Variants in PDZD7 observed in about 807,000 individuals in gnomAD.
The protein encoded by PDZD7 is PDZ domain containing 7, also known as PDZ domain-containing protein 7.
Under a neutral mutation model 84.7 loss-of-function variants are expected in PDZD7, and 72 were observed. The ratio of observed to expected loss-of-function variants is 0.85; its 90% CI spans 0.70 to 1.03. The LOEUF (loss-of-function observed/expected upper bound fraction) is 1.03, where lower values mean the gene tolerates loss of function less well. Among genes scored for constraint, PDZD7 ranks in the 50% least tolerant of loss-of-function variants. The pLI is 0.00. For missense variants in PDZD7, 1,490 were observed against 1,412.9 expected (o/e 1.05, Z -0.87); for synonymous variants, 594 against 580.7 (o/e 1.02, Z -0.33).
intron 10 of PDZD7, 95 bp downstream of exon 10, chr10:101,016,282 A>C: frequency 1.5e-6 from 2 of 1,301,786 alleles, no homozygotes; most frequent in Non-Finnish European, 2.2e-6. Context: ...ACCCTGACTG[A>C]ATTTAGTCCA....
intron 2 of PDZD7, among the ~76,000 whole-genome samples, chr10:101,025,019 G>A (rs1384528821): frequency 6.6e-6 from 1 of 152,142 alleles, no homozygotes; most frequent in Non-Finnish European, 1.5e-5. Context: ...TCAGCTTGCA[G>A]CATAAATTAG....
rs1027163161 is a variant in PDZD7 at position 101,010,807 on chromosome 10, C to A, written c.2082G>T (p.Arg694=). Residue 694 remains arginine (R), a synonymous_variant, in exon 15 of 17, where the codon CGG becomes CGT. Transcript: ENST00000619208. ...TTGGGGAGACCTTGAGGGCCCCCAG[C>A]CGCTCCCTCAGCTCCCCATTATCTT... ...EEEDNGELRE[R]LGALKVSPSA... is the part of the protein sequence containing the mutation. 6.5e-7 allele frequency: 1 copy of A among 1,535,458 alleles called. No individual in the cohort carries two copies. Among genetic ancestry groups the A allele is most frequent in the Non-Finnish European group, 8.7e-7 (1 of 1,146,886 alleles).
chr10:101,010,839 C>T lies in PDZD7; in HGVS notation c.2050G>A (p.Glu684Lys). The T allele has an allele frequency of 6.5e-7, 1 of 1,534,868 alleles. No homozygotes were observed. The highest frequency in any genetic ancestry group is 8.7e-7 in the Non-Finnish European group (1 of 1,146,902). ...FYLLPVNGFP[E>K]EEDNGELRER... ...CTCAGCTCCCCATTATCTTCCTCTT[C>T]CGGGAAGCCGTTCACCGGCAGCAGG... The change falls in exon 15 of 17, where the codon GAA (glutamate) becomes AAA (lysine). Residue 684 changes from glutamate to lysine, a missense_variant. Coordinates refer to ENST00000619208, the MANE Select transcript of PDZD7 (RefSeq NM_001195263.2).
Position 101,030,355 on chromosome 10 carries a change from C to G in PDZD7, c.-136G>C. The G allele has an allele frequency of 2.6e-6, 2 of 767,036 alleles. No homozygotes were observed. Among genetic ancestry groups the G allele is most frequent in the Non-Finnish European group, 4.5e-6 (2 of 444,758 alleles). The allele number at this position is 767,036 out of a possible 1,614,324, so 47.5% of individuals were successfully genotyped here. On this transcript the variant is annotated 5_prime_UTR_variant, in exon 2 of 17. Coordinates refer to ENST00000619208, the MANE Select transcript of PDZD7 (RefSeq NM_001195263.2). The stretch of plus-strand genomic sequence containing the variant: ...TCAGTAACGTGAAGGCCCTCGCTTG[C>G]GATGCCTCTCAGAAGTGTGAGCTCC...
intron 9 of PDZD7, among the ~76,000 whole-genome samples, chr10:101,017,157 G>C (rs1852666046): frequency 6.6e-6 from 1 of 152,152 alleles, no homozygotes; most frequent in Admixed American, 6.5e-5. Flanking sequence ...CAGGATCTCA[G>C]CTGGGCCAGG....
Position 101,030,093 on chromosome 10 carries a change from G to T in PDZD7, c.127C>A (p.Leu43Met), listed in dbSNP as rs1472715579. 1 of 1,614,218 alleles carries T rather than the reference G, an allele frequency of 6.2e-7. No homozygotes were observed. Among genetic ancestry groups the T allele is most frequent in the Admixed American group, 1.7e-5 (1 of 60,032 alleles). ...SDSGSTATRY[L>M]LRKQQRLLNG... Reference sequence around the variant, plus strand: ...AGCAGCCGTTGTTGCTTCCTTAGCAGGTATCGCGTTGCGGTGGAGCCTGAG... The same window carrying T: ...AGCAGCCGTTGTTGCTTCCTTAGCATGTATCGCGTTGCGGTGGAGCCTGAG... Residue 43 changes from leucine (L) to methionine (M), a missense_variant, in exon 2 of 17, where the codon CTG (leucine) becomes ATG (methionine). Coordinates refer to ENST00000619208, the MANE Select transcript of PDZD7 (RefSeq NM_001195263.2).
chr10:101,009,254 A>G lies in PDZD7; in HGVS notation c.2714T>C (p.Leu905Pro). ...PGGAAFLSGALQAGFELVAVD... is the reference protein window; with the variant it reads ...PGGAAFLSGAPQAGFELVAVD... Reference sequence around the variant, plus strand: ...GCCAGGGCATGCTTCACCCACCTGCAGGGCCCCACTGAGGAAAGCGGCCCC... The same window carrying G: ...GCCAGGGCATGCTTCACCCACCTGCGGGGCCCCACTGAGGAAAGCGGCCCC... The change falls in exon 16 of 17, where the codon CTG becomes CCG. Residue 905 changes from leucine (L) to proline (P), a missense_variant. By Grantham distance (98) the Leu-to-Pro change is moderately conservative. Transcript: ENST00000619208. The G allele has an allele frequency of 6.5e-7, 1 of 1,535,294 alleles. No individual in the cohort carries two copies. The highest frequency in any genetic ancestry group is 1.2e-5 in the South Asian group (1 of 84,038).
At chr10:101,019,856 C>A (rs1393529072) in intron 7 of PDZD7, among the ~76,000 whole-genome samples, 1 of 151,396 alleles carries the variant, frequency 6.6e-6, no homozygotes, top group South Asian at 2.1e-4. Flanking sequence ...GAGCACCTGA[C>A]CTCAGGTGAT....
At chr10:101,012,357 G>C in intron 11 of PDZD7, 99 bp from the exon 12 acceptor site, 1 of 1,028,604 alleles carries the variant, frequency 9.7e-7, no homozygotes, top group Non-Finnish European at 1.5e-6. Context: ...ACGCATGTAG[G>C]GACCTATCCA....
At chr10:101,029,244 G>T (rs1035050876) in intron 2 of PDZD7, among the ~76,000 whole-genome samples, 1 of 152,140 alleles carries the variant, frequency 6.6e-6, no homozygotes, top group African/African-American at 2.4e-5. Context: ...TTCACTTCCA[G>T]CCTTTGTTGG....
rs1289763546 is a variant in PDZD7, at chr10:101,010,473, T to C, written c.2416A>G (p.Ser806Gly). The C allele has an allele frequency of 1.3e-6, 2 of 1,535,586 alleles. No individual in the cohort carries two copies. The highest frequency in any genetic ancestry group is 2.0e-5 in the Admixed American group (1 of 50,970). ...SPSPVPTPAP[S>G]MTNGRYHKPR... ...TTGTGGTAGCGCCCATTGGTCATGC[T>C]GGGGGCAGGGGTAGGCACCGGGGAT... The change falls in exon 15 of 17, where the codon AGC becomes GGC. Residue 806 changes from serine to glycine, a missense_variant. Physicochemically the swap from Ser to Gly is moderately conservative, Grantham distance 56. Coordinates refer to ENST00000619208, the MANE Select transcript of PDZD7 (RefSeq NM_001195263.2).
At chr10:101,024,218 C>T (rs1330009377) in intron 2 of PDZD7, 150 bp from the exon 3 acceptor site, 4 of 1,005,634 alleles carry the variant, frequency 4.0e-6, no homozygotes, top group African/African-American at 1.6e-5. Context: ...CAGGTCAGCC[C>T]ATTTCTAAGG....
In PDZD7 at chr10:101,008,286, T is replaced by A; in HGVS notation, c.*181A>T. 1 of 706,332 alleles carries A rather than the reference T, an allele frequency of 1.4e-6. No homozygotes were observed. Among genetic ancestry groups the A allele is most frequent in the Non-Finnish European group, 2.3e-6 (1 of 439,732 alleles). The allele number at this position is 706,332 out of a possible 1,614,324, so 43.8% of individuals were successfully genotyped here. ...CCACTAGCACCTTGTCCTTGGACAC[T>A]AAGGCAGAGCCTTAATGACAGCTGA... On this transcript the variant is annotated 3_prime_UTR_variant, in exon 17 of 17. Transcript: ENST00000619208.
Position 101,011,020 on chromosome 10 carries a change from G to A in PDZD7, c.2006-137C>T, listed in dbSNP as rs990429585. The A allele has an allele frequency of 2.7e-6, 4 of 1,474,132 alleles. No homozygotes were observed. The South Asian group carries it at 5.3e-5, about 20-fold the overall frequency. 91.3% of individuals were successfully genotyped at this position (1,474,132 alleles called of 1,614,324 possible). On this transcript the variant is annotated intron_variant, in intron 14 of 16. Coordinates refer to ENST00000619208, the MANE Select transcript of PDZD7 (RefSeq NM_001195263.2). ...ACTGCAGTGCGGCCCACCCACCGGG[G>A]AGGCAGACAGACATGTTCTATTAGA...
chr10:101,018,981 T>G lies in PDZD7; in HGVS notation c.1165A>C (p.Thr389Pro), dbSNP rs1051560658. 3 of 1,587,790 alleles carry G rather than the reference T, an allele frequency of 1.9e-6. No homozygotes were observed. The highest frequency in any genetic ancestry group is 3.6e-5 in the Admixed American group (2 of 56,158). The change falls in exon 8 of 17, where the codon ACA (threonine) becomes CCA (proline). Residue 389 changes from threonine to proline, a missense_variant. By Grantham distance (38) the Thr-to-Pro change is conservative (BLOSUM62 -1). Transcript: ENST00000619208. ...RVETWCSVRP[T>P]VILRDTAIRS... is the part of the protein sequence containing the mutation. ...ATGGCGGTGTCCCTGAGGATGACTGTGGGCCGCACGCTGCACCAGGTCTCC... is the reference window on the plus strand; with the variant it reads ...ATGGCGGTGTCCCTGAGGATGACTGGGGGCCGCACGCTGCACCAGGTCTCC...
Position 101,019,058 on chromosome 10 carries a change from C to CA in PDZD7, c.1087dup (p.Trp363LeufsTer47). 2 of 1,577,324 alleles carry CA rather than the reference C, an allele frequency of 1.3e-6. No homozygotes were observed. Among genetic ancestry groups the CA allele is most frequent in the Non-Finnish European group, 1.7e-6 (2 of 1,167,216 alleles). ...CTGCATGGCTGTGTCCGCCCGCCCCCAGCCTGGGCCGCGGCTGCCGGGCTC... is the reference window on the plus strand; with the variant it reads ...CTGCATGGCTGTGTCCGCCCGCCCCCAAGCCTGGGCCGCGGCTGCCGGGCTC... On this transcript the variant is annotated frameshift_variant, in exon 8 of 17. Transcript: ENST00000619208. LOFTEE classifies it high-confidence loss of function.
chr10:101,011,273 T>A, intron 14 of PDZD7: 1 of 380,282 alleles, frequency 2.6e-6, no homozygotes, highest in Non-Finnish European at 4.4e-6. Flanking sequence ...ACTCCTCACC[T>A]CAAGCGATCC....
At chr10:101,012,704 A>G (rs1260925173) in intron 11 of PDZD7, among the ~76,000 whole-genome samples, 4 of 152,226 alleles carry the variant, frequency 2.6e-5, no homozygotes, top group Non-Finnish European at 5.9e-5. Flanking sequence ...AAGGATGTGC[A>G]GGGAGTGGAC....
Position 101,008,519 on chromosome 10 carries a change from G to A in PDZD7, c.3050C>T (p.Pro1017Leu). The A allele has an allele frequency of 6.5e-7, 1 of 1,534,092 alleles. No homozygotes were observed. The highest frequency in any genetic ancestry group is 8.7e-7 in the Non-Finnish European group (1 of 1,146,112). The change falls in exon 17 of 17, where the codon CCA (proline) becomes CTA (leucine). Residue 1017 changes from proline to leucine, a missense_variant. By Grantham distance (98) the Pro-to-Leu change is moderately conservative (BLOSUM62 -3). Transcript: ENST00000619208. The part of the protein sequence containing the change: ...LQPTPSPAPS[P>L]ALQTPDSKPA... ...CTTAGAATCAGGAGTCTGGAGGGCT[G>A]GGGAGGGGGCTGGGCTGGGAGTTGG...
Sources: allele counts gnomAD v4.1 joint callset (sites outside exome capture counted in the v4.1 genomes callset), GRCh38; gene constraint gnomAD v4.1.1; transcripts MANE v1.5; gene names NCBI Gene and HGNC (gene_info 2026-07-23, HGNC 2026-07-21).